Variants in GPC6 observed in about 807,000 individuals in gnomAD.
GPC6 encodes the protein glypican 6.
GPC6 carries 14 observed loss-of-function variants against 55.2 expected under a neutral mutation model. That is an observed-to-expected ratio of 0.25 (90% CI 0.17 to 0.40). GPC6 has a LOEUF of 0.40. Ranked by LOEUF, GPC6 falls within the 10% of genes least tolerant of loss-of-function variation. The pLI, the probability that GPC6 is intolerant of heterozygous loss-of-function variation, is 1.00. For missense variants in GPC6, 641 were observed against 708.5 expected, an observed-to-expected ratio of 0.90 and a Z score of 1.08; for synonymous variants, 278 against 259.6, an observed-to-expected ratio of 1.07 and a Z score of -0.68.
intron 3 of GPC6, among the ~76,000 whole-genome samples, chr13:93,893,392 A>G (rs528422644): frequency 1.3e-5 from 2 of 152,286 alleles, no homozygotes; most frequent in South Asian, 2.1e-4. Flanking sequence ...TTATCAAAAA[A>G]GTAGCCTGAT....
At chr13:94,032,190 C>T (rs1883166422) in intron 4 of GPC6, among the ~76,000 whole-genome samples, 1 of 152,084 alleles carries the variant, frequency 6.6e-6, no homozygotes, top group African/African-American at 2.4e-5. Context: ...TAGCAAAGAC[C>T]CTAATAATTC....
intron 4 of GPC6, among the ~76,000 whole-genome samples, chr13:94,180,231 T>G (rs995299894): frequency 6.6e-6 from 1 of 152,170 alleles, no homozygotes; most frequent in Non-Finnish European, 1.5e-5. Context: ...ACCGTGACAT[T>G]GGAAGTAGTT....
chr13:93,532,290 G>A (rs1453834345), intron 1 of GPC6, among the ~76,000 whole-genome samples: 1 of 151,958 alleles, frequency 6.6e-6, no homozygotes, highest in Non-Finnish European at 1.5e-5. Context: ...TTAAAAATTG[G>A]TGCTGAGAAA....
chr13:93,811,559 A>C (rs901146737), intron 2 of GPC6, among the ~76,000 whole-genome samples: 3 of 151,468 alleles, frequency 2.0e-5, no homozygotes, highest in Non-Finnish European at 2.9e-5. Context: ...GCTTACGTAG[A>C]CATTCCCCAC....
At chr13:93,466,570 A>G (rs183018609) in intron 1 of GPC6, among the ~76,000 whole-genome samples, 5 of 152,326 alleles carry the variant, frequency 3.3e-5, no homozygotes, top group Admixed American at 2.0e-4. Context: ...AAAAAATAGT[A>G]TATTTTGGCT....
chr13:93,526,997 T>C (rs1049536338), intron 1 of GPC6, among the ~76,000 whole-genome samples: 15 of 152,104 alleles, frequency 9.9e-5, no homozygotes, highest in Non-Finnish European at 2.1e-4. Flanking sequence ...GTGATTATTC[T>C]TAGTGTGCCC....
At chr13:94,082,144 T>C (rs1268783368) in intron 4 of GPC6, among the ~76,000 whole-genome samples, 1 of 152,084 alleles carries the variant, frequency 6.6e-6, no homozygotes, top group East Asian at 1.9e-4. Context: ...CCCGGTCTAC[T>C]TTCCCTTTTT....
intron 4 of GPC6, among the ~76,000 whole-genome samples, chr13:94,115,241 A>G (rs113496946): frequency 0.014 from 2,102 of 152,194 alleles, 44 homozygotes; most frequent in African/African-American, 0.049. Context: ...TGTGGCTGCA[A>G]ATGTCCTCCA....
At chr13:94,044,152 C>A (rs1360702419) in intron 4 of GPC6, among the ~76,000 whole-genome samples, 2 of 151,914 alleles carry the variant, frequency 1.3e-5, no homozygotes, top group East Asian at 3.9e-4. Flanking sequence ...TTTTGCCACC[C>A]ACTCTTTGCA....
intron 3 of GPC6, among the ~76,000 whole-genome samples, chr13:93,856,873 C>T (rs530506385): frequency 4.6e-5 from 7 of 151,650 alleles, no homozygotes; most frequent in Non-Finnish European, 8.9e-5. Flanking sequence ...TTTAAGAGAA[C>T]GTGGTTAAAT....
chr13:93,273,398 C>A (rs1877612128), intron 1 of GPC6, among the ~76,000 whole-genome samples: 1 of 152,142 alleles, frequency 6.6e-6, no homozygotes, highest in African/African-American at 2.4e-5. Context: ...GTGGCTCAAG[C>A]CTGTAATCCC....
intron 4 of GPC6, among the ~76,000 whole-genome samples, chr13:94,139,848 T>C (rs1466056867): frequency 6.6e-6 from 1 of 152,204 alleles, no homozygotes; most frequent in African/African-American, 2.4e-5. Context: ...CAGCTGTAGC[T>C]TCCTGGGGCT....
At chr13:93,419,487 T>A (rs887749674) in intron 1 of GPC6, among the ~76,000 whole-genome samples, 1 of 152,134 alleles carries the variant, frequency 6.6e-6, no homozygotes, top group African/African-American at 2.4e-5. Flanking sequence ...CATTTAGAAA[T>A]GTATTTCCTT....
At chr13:93,615,538 T>C (rs1878677390) in intron 2 of GPC6, among the ~76,000 whole-genome samples, 1 of 152,280 alleles carries the variant, frequency 6.6e-6, no homozygotes, top group East Asian at 1.9e-4. Flanking sequence ...AATGGGCTAT[T>C]TGGGCAGCAG....
chr13:94,351,979 A>G (rs1359125), intron 6 of GPC6, among the ~76,000 whole-genome samples: 28,951 of 142,686 alleles, frequency 0.2, 3,457 homozygotes, highest in East Asian at 0.29. Flanking sequence ...AAAAAAAAAA[A>G]AAAGAAAAAG....
chr13:94,081,877 G>C lies in GPC6; in HGVS notation c.877+53983G>C, dbSNP rs1266223955. Among the ~76,000 whole-genome samples the C allele has an allele frequency of 3.1e-5, 4 of 128,080 alleles. No homozygotes were observed. In the East Asian group the frequency reaches 8.2e-4, roughly 26 times the overall value. 84.0% of individuals were successfully genotyped at this position (128,080 alleles called of 152,430 possible). ...TTTTTTTGAGACACAGTCCCCCTCT[G>C]TCACCCAGGCTGGAGTGCAGTGGCA... is the stretch of plus-strand genomic sequence containing the variant. On this transcript the variant is annotated intron_variant, in intron 4 of 8. Coordinates refer to ENST00000377047, the MANE Select transcript of GPC6 (RefSeq NM_005708.5).
intron 2 of GPC6, among the ~76,000 whole-genome samples, chr13:93,611,156 G>A (rs539281141): frequency 1.3e-5 from 2 of 152,102 alleles, no homozygotes; most frequent in African/African-American, 2.4e-5. Flanking sequence ...TTACTCACTC[G>A]AGTACTATAT....
At chr13:93,928,670 C>T (rs1252377803) in intron 3 of GPC6, among the ~76,000 whole-genome samples, 1 of 152,042 alleles carries the variant, frequency 6.6e-6, no homozygotes, top group East Asian at 1.9e-4. Flanking sequence ...AAAGCCAGTA[C>T]TCATTTTCTA....
chr13:93,443,276 G>T (rs79022385), intron 1 of GPC6, among the ~76,000 whole-genome samples: 288 of 152,246 alleles, frequency 1.9e-3, no homozygotes, highest in African/African-American at 6.7e-3. Context: ...TGGAGTCACC[G>T]CTAGGGACCA....
Sources: gnomAD v4.1 joint callset for allele counts (sites outside exome capture counted in the v4.1 genomes callset) on GRCh38, gnomAD v4.1.1 for gene constraint, MANE v1.5 for transcripts, NCBI Gene and HGNC (gene_info 2026-07-23, HGNC 2026-07-21) for gene names.